TMEM117: variants seen among roughly 807,000 people sequenced by gnomAD.
TMEM117 encodes the protein transmembrane protein 117.
In TMEM117, 27 loss-of-function variants were observed where a neutral mutation model predicts 52.4. That is an observed-to-expected ratio of 0.51 (90% CI 0.38 to 0.71). The LOEUF is 0.71. Among genes scored for constraint, TMEM117 ranks in the 30% least tolerant of loss-of-function variants. The pLI is 0.00. For missense variants in TMEM117, 556 were observed against 630.5 expected (o/e 0.88, Z 1.26); for synonymous variants, 215 against 206.3 (o/e 1.04, Z -0.36).
intron 3 of TMEM117, among the ~76,000 whole-genome samples, chr12:44,102,368 T>C (rs932979823): frequency 3.2e-4 from 48 of 152,174 alleles, no homozygotes; most frequent in African/African-American, 1.1e-3. Context: ...CATGTAGGTA[T>C]GAAGAGGCCT....
intron 6 of TMEM117, among the ~76,000 whole-genome samples, chr12:44,321,640 A>G (rs1951131366): frequency 6.6e-6 from 1 of 152,196 alleles, no homozygotes; most frequent in Non-Finnish European, 1.5e-5. Flanking sequence ...GAAAATTGCA[A>G]TCACAGACTT....
chr12:43,939,186 C>A (rs935276836), intron 2 of TMEM117, among the ~76,000 whole-genome samples: 1 of 152,108 alleles, frequency 6.6e-6, no homozygotes, highest in Non-Finnish European at 1.5e-5. Context: ...TATCTTTTGA[C>A]TCCAACAAAC....
At chr12:44,071,612 A>T (rs1035644670) in intron 3 of TMEM117, among the ~76,000 whole-genome samples, 1 of 152,134 alleles carries the variant, frequency 6.6e-6, no homozygotes, top group Non-Finnish European at 1.5e-5. Flanking sequence ...CCAAAAACAG[A>T]TTTGGATCTA....
chr12:43,916,626 T>C (rs758613634), intron 2 of TMEM117, among the ~76,000 whole-genome samples: 1 of 152,192 alleles, frequency 6.6e-6, no homozygotes, highest in Non-Finnish European at 1.5e-5. Context: ...TCTTAGTCCA[T>C]AGATCTTTGA....
intron 2 of TMEM117, among the ~76,000 whole-genome samples, chr12:43,925,674 C>T (rs1017655711): frequency 5.3e-5 from 8 of 152,128 alleles, no homozygotes; most frequent in African/African-American, 1.9e-4. Flanking sequence ...ATTTAAAAAC[C>T]TGTGCTTATT....
chr12:44,361,579 A>G (rs1485827458), intron 6 of TMEM117, among the ~76,000 whole-genome samples: 3 of 152,188 alleles, frequency 2.0e-5, no homozygotes, highest in East Asian at 3.9e-4. Context: ...TTGGTGAATA[A>G]TCAAACAACC....
At chr12:43,893,322 C>A (rs1284110574) in intron 2 of TMEM117, among the ~76,000 whole-genome samples, 1 of 152,164 alleles carries the variant, frequency 6.6e-6, no homozygotes, top group East Asian at 1.9e-4. Flanking sequence ...CTTAAGACAT[C>A]ATGGAGGCTT....
At chr12:43,861,010 C>T (rs909650766) in intron 2 of TMEM117, among the ~76,000 whole-genome samples, 4 of 152,102 alleles carry the variant, frequency 2.6e-5, no homozygotes, top group Admixed American at 6.5e-5. Context: ...CCTCACCTCC[C>T]TCCCTCCAGT....
chr12:43,996,453 A>C (rs1055389739), intron 3 of TMEM117, among the ~76,000 whole-genome samples: 3 of 152,044 alleles, frequency 2.0e-5, no homozygotes, highest in African/African-American at 7.2e-5. Context: ...ACCACCCTGG[A>C]TAACACGGTG....
intron 2 of TMEM117, among the ~76,000 whole-genome samples, chr12:43,854,413 G>A (rs1010944001): frequency 6.6e-6 from 1 of 150,570 alleles, no homozygotes; most frequent in South Asian, 2.1e-4. Context: ...TAACTAGGAA[G>A]ATTAGGCTGG....
chr12:44,378,253 A>C (rs912330165), intron 7 of TMEM117, among the ~76,000 whole-genome samples: 9 of 152,186 alleles, frequency 5.9e-5, no homozygotes, highest in African/African-American at 1.9e-4. Flanking sequence ...AGGAAAAAAA[A>C]ATGGAGAGCC....
chr12:44,117,498 C>T (rs755926292), intron 3 of TMEM117, among the ~76,000 whole-genome samples: 1 of 152,108 alleles, frequency 6.6e-6, no homozygotes, highest in Non-Finnish European at 1.5e-5. Flanking sequence ...CCCATTCTGT[C>T]CTGGGGCTCT....
intron 3 of TMEM117, among the ~76,000 whole-genome samples, chr12:43,944,566 G>T (rs895971041): frequency 2.0e-5 from 3 of 151,886 alleles, no homozygotes; most frequent in African/African-American, 7.3e-5. Context: ...TATCCTTTAG[G>T]ACTTTTATAT....
chr12:43,953,704 G>T (rs1945261349), intron 3 of TMEM117, among the ~76,000 whole-genome samples: 1 of 152,100 alleles, frequency 6.6e-6, no homozygotes, highest in African/African-American at 2.4e-5. Context: ...AATAATAGTA[G>T]AAGACTTTAA....
At chr12:44,389,957 G>T (rs917386359), downstream of TMEM117, among the ~76,000 whole-genome samples, 2 of 152,010 alleles carry the variant, frequency 1.3e-5, no homozygotes, top group African/African-American at 4.8e-5. Flanking sequence ...TTATTTTCCT[G>T]TCACACACTG....
At chr12:44,362,510 C>A (rs1420146838) in intron 6 of TMEM117, among the ~76,000 whole-genome samples, 3 of 151,432 alleles carry the variant, frequency 2.0e-5, no homozygotes, top group Non-Finnish European at 4.4e-5. Context: ...GGGACTGACA[C>A]AAACAGTTCT....
chr12:44,078,531 T>G (rs1383725573), intron 3 of TMEM117, among the ~76,000 whole-genome samples: 1 of 152,246 alleles, frequency 6.6e-6, no homozygotes, highest in African/African-American at 2.4e-5. Flanking sequence ...AGTGCACGAT[T>G]GGATGAACCA....
intron 5 of TMEM117, among the ~76,000 whole-genome samples, chr12:44,247,239 T>C (rs1031858799): frequency 3.9e-5 from 6 of 152,192 alleles, no homozygotes; most frequent in African/African-American, 1.4e-4. Context: ...AAAAGCGAAG[T>C]CTGTATGGTA....
rs773352634 is a variant in TMEM117 at position 44,214,138 on chromosome 12, A to ATTTT, written c.608+2774_608+2777dup. On this transcript the variant is annotated intron_variant, in intron 5 of 7. Transcript: ENST00000266534. ...CAATGTCTTACAAATTTTTTTTTTAATTTTTTTTTTTTTTTTTTTTTTTTT... is the reference window on the plus strand; with the variant it reads ...CAATGTCTTACAAATTTTTTTTTTAATTTTTTTTTTTTTTTTTTTTTTTTTTTTT... 9.2e-4 allele frequency among the ~76,000 whole-genome samples: 91 copies of ATTTT among 99,280 alleles called. No homozygotes were observed. In the East Asian group the frequency reaches 0.018, roughly 20 times the overall value. 65.1% of individuals were successfully genotyped at this position (99,280 alleles called of 152,430 possible).
Sources: allele counts gnomAD v4.1 joint callset (sites outside exome capture counted in the v4.1 genomes callset), GRCh38; gene constraint gnomAD v4.1.1; transcripts MANE v1.5; gene names NCBI Gene and HGNC (gene_info 2026-07-23, HGNC 2026-07-21).